The following RANBP2 variants were observed in gnomAD, a reference collection of about 807,000 sequenced individuals.
RANBP2 encodes RAN binding protein 2.
A neutral mutation model predicts 303.6 loss-of-function variants in RANBP2; 57 were observed. The ratio of observed to expected loss-of-function variants is 0.19; its 90% CI spans 0.15 to 0.23. RANBP2 has a LOEUF of 0.23. Among genes scored for constraint, RANBP2 ranks in the 10% least tolerant of loss-of-function variants. The pLI is 1.00. For synonymous variants in RANBP2, 1,167 were observed against 1,301.5 expected (o/e 0.90, Z 2.23); for missense variants, 3,138 against 3,780.8 (o/e 0.83, Z 4.46).
chr2:109,462,921 C>A, the RANBP2 span, among the ~76,000 whole-genome samples: 1 of 152,226 alleles, frequency 6.6e-6, no homozygotes, highest in African/African-American at 2.4e-5. Flanking sequence ...GATCCAGTGT[C>A]CAGCTGTCCC....
the RANBP2 span, among the ~76,000 whole-genome samples, chr2:109,403,222 C>CA: frequency 6.6e-6 from 1 of 152,252 alleles, no homozygotes; most frequent in African/African-American, 2.4e-5. Flanking sequence ...GAGAGCCGCG[C>CA]ACTGTCCGAG....
At chr2:109,107,232 T>A in the RANBP2 span, among the ~76,000 whole-genome samples, 5 of 152,010 alleles carry the variant, frequency 3.3e-5, no homozygotes, top group Admixed American at 2.6e-4. Flanking sequence ...GCCTTTTTTT[T>A]TTTTTTCAGC....
In RANBP2 at chr2:108,764,587, A is replaced by G; in HGVS notation, c.4048A>G (p.Lys1350Glu). ...CCTGAATTTTGAATTTCAGGTTGCA[A>G]AGAAAGAAGGGTCTTGGTGGCATTG... ...GNLNFEFQVA[K>E]KEGSWWHCNS... Residue 1350 changes from lysine (K) to glutamate (E), a missense_variant, in exon 20 of 29, where the codon AAG becomes GAG. By Grantham distance (56) the Lys-to-Glu change is moderately conservative (BLOSUM62 1). Transcript: ENST00000283195. 15 of 1,614,076 alleles carry G rather than the reference A, an allele frequency of 9.3e-6. No homozygotes were observed. The highest frequency in any genetic ancestry group is 1.1e-5 in the Non-Finnish European group (13 of 1,179,982).
At chr2:109,498,767 T>G in the RANBP2 span, among the ~76,000 whole-genome samples, 1 of 152,180 alleles carries the variant, frequency 6.6e-6, no homozygotes, top group African/African-American at 2.4e-5. Flanking sequence ...GCTTGCAGAC[T>G]GGTGCAGGAG....
At chr2:108,892,996 A>G in the RANBP2 span, among the ~76,000 whole-genome samples, 1 of 152,244 alleles carries the variant, frequency 6.6e-6, no homozygotes. Flanking sequence ...ACATTGCTGT[A>G]CCTAGGTAAA....
the RANBP2 span, among the ~76,000 whole-genome samples, chr2:109,674,561 C>T: frequency 4.0e-5 from 6 of 151,246 alleles, no homozygotes; most frequent in South Asian, 2.1e-4. Flanking sequence ...CCAGCCTTGG[C>T]GACAGAATGA....
the RANBP2 span, among the ~76,000 whole-genome samples, chr2:109,031,710 G>A: frequency 6.6e-6 from 1 of 152,180 alleles, no homozygotes; most frequent in East Asian, 1.9e-4. Flanking sequence ...TCTGCCGGTG[G>A]CAACCTGGAC....
intron 1 of RANBP2, among the ~76,000 whole-genome samples, chr2:108,720,629 T>G (rs1694159388): frequency 6.6e-6 from 1 of 152,228 alleles, no homozygotes; most frequent in Non-Finnish European, 1.5e-5. Context: ...GTTACACTTT[T>G]CATCCATAGA....
chr2:108,768,294 C>T lies in RANBP2; in HGVS notation c.7755C>T (p.Ile2585=), dbSNP rs573825128. 2.0e-5 allele frequency: 33 copies of T among 1,611,954 alleles called. No individual in the cohort carries two copies. Among genetic ancestry groups the T allele is most frequent in the African/African-American group, 5.3e-5 (4 of 74,964 alleles). Residue 2585 remains isoleucine, a synonymous_variant, in exon 20 of 29, where the codon ATC becomes ATT. Transcript: ENST00000283195. ...GTGAACTGTCAAAGAACTCTGATAT[C>T]GAACAGTCTTCAGATAGCAAAGTCA... ...KKCELSKNSD[I]EQSSDSKVKN... is the part of the protein sequence containing the mutation.
chr2:109,378,601 T>C, the RANBP2 span, among the ~76,000 whole-genome samples: 1 of 152,230 alleles, frequency 6.6e-6, no homozygotes, highest in African/African-American at 2.4e-5. Context: ...CTGCAGATGT[T>C]CTTGAGCTTT....
chr2:109,030,444 G>A, the RANBP2 span, among the ~76,000 whole-genome samples: 1 of 152,198 alleles, frequency 6.6e-6, no homozygotes, highest in South Asian at 2.1e-4. Flanking sequence ...CCTGCCAAAT[G>A]TGATAATGTG....
chr2:109,515,271 T>G, the RANBP2 span, among the ~76,000 whole-genome samples: 2 of 152,098 alleles, frequency 1.3e-5, no homozygotes, highest in African/African-American at 4.8e-5. Context: ...CCAAACAGTG[T>G]GCCCCACATG....
the RANBP2 span, among the ~76,000 whole-genome samples, chr2:109,330,631 G>A: frequency 6.6e-6 from 1 of 152,164 alleles, no homozygotes; most frequent in Non-Finnish European, 1.5e-5. Context: ...TGGATGGATG[G>A]AGGGAGAGAC....
At chr2:109,355,137 C>T in the RANBP2 span, among the ~76,000 whole-genome samples, 300 of 152,168 alleles carry the variant, frequency 2.0e-3, no homozygotes, top group Middle Eastern at 6.8e-3. Context: ...CTTGGAAATA[C>T]CAGGGAATAG....
the RANBP2 span, among the ~76,000 whole-genome samples, chr2:109,330,582 G>A: frequency 6.6e-6 from 1 of 152,184 alleles, no homozygotes; most frequent in African/African-American, 2.4e-5. Context: ...GTTTGCATGG[G>A]TGGATGGATG....
chr2:108,767,495 T>G lies in RANBP2; in HGVS notation c.6956T>G (p.Leu2319Arg). The G allele has an allele frequency of 6.2e-7, 1 of 1,611,968 alleles. No individual in the cohort carries two copies. Among genetic ancestry groups the G allele is most frequent in the Non-Finnish European group, 8.5e-7 (1 of 1,179,832 alleles). Reference protein sequence around the residue: ...YFEPVVPLPDLVEVSSGEENE... With the variant: ...YFEPVVPLPDRVEVSSGEENE... ...GAACCTGTTGTTCCTTTACCTGATC[T>G]AGTTGAAGTATCCAGTGGTGAGGAA... Residue 2319 changes from leucine to arginine, a missense_variant, in exon 20 of 29, where the codon CTA becomes CGA. Leu to Arg is a moderately radical substitution (Grantham distance 102, BLOSUM62 -2). This residue lies in a region of RANBP2 where 92 missense variants were observed against 211.0 expected (regional missense o/e 0.44). Coordinates refer to ENST00000283195, the MANE Select transcript of RANBP2 (RefSeq NM_006267.5).
At chr2:109,097,178 C>T in the RANBP2 span, among the ~76,000 whole-genome samples, 1 of 152,122 alleles carries the variant, frequency 6.6e-6, no homozygotes, top group Non-Finnish European at 1.5e-5. Flanking sequence ...GTGGCACGTG[C>T]CTGTAGTCCC....
chr2:108,815,694 AACT>A, the RANBP2 span, among the ~76,000 whole-genome samples: 1 of 151,632 alleles, frequency 6.6e-6, no homozygotes, highest in African/African-American at 2.4e-5. Context: ...ACTCCTAGGG[AACT>A]TCAGGTGATC....
At chr2:108,882,257 TGTGAGCTCATGGTTTTGGAGAAAATG>T in the RANBP2 span, 1 of 152,094 alleles carries the variant, frequency 6.6e-6, no homozygotes, top group African/African-American at 2.4e-5. Flanking sequence ...ATTACCAAAA[TGTGAGCTCATGGTTTTGGAGAAAATG>T]GTTCCAATAG....
Sources: gnomAD v4.1 joint callset for allele counts (sites outside exome capture counted in the v4.1 genomes callset) on GRCh38, gnomAD v4.1.1 for gene constraint, gnomAD v4.1.1 regional missense constraint, MANE v1.5 for transcripts, NCBI Gene and HGNC (gene_info 2026-07-23, HGNC 2026-07-21) for gene names.